The following FAM177A1 variants were observed in gnomAD, a reference collection of about 807,000 sequenced individuals.
The protein encoded by FAM177A1 is protein FAM177A1.
A neutral mutation model predicts 26.1 loss-of-function variants in FAM177A1; 22 were observed. The ratio of observed to expected loss-of-function variants is 0.84; its 90% confidence interval spans 0.60 to 1.20. The LOEUF is 1.20. Ranked by LOEUF, FAM177A1 falls within the 50% of genes most tolerant of loss-of-function variation. FAM177A1 has a pLI of 0.00. For missense variants in FAM177A1, 296 were observed against 291.1 expected, an observed-to-expected ratio of 1.02 and a Z score of -0.12; for synonymous variants, 95 against 99.3, an observed-to-expected ratio of 0.96 and a Z score of 0.26.
chr14:35,071,971 G>A (rs1368290613), intron 2 of FAM177A1, among the ~76,000 whole-genome samples: 1 of 152,088 alleles, frequency 6.6e-6, no homozygotes, highest in Non-Finnish European at 1.5e-5. Context: ...TTACAATAAA[G>A]TAAGCTATAG....
At chr14:35,048,165 T>A (rs1428826081) in intron 1 of FAM177A1, among the ~76,000 whole-genome samples, 1 of 152,244 alleles carries the variant, frequency 6.6e-6, no homozygotes, top group Non-Finnish European at 1.5e-5. Context: ...TTGAGACCTA[T>A]TGTTGGCAAG....
intron 2 of FAM177A1, among the ~76,000 whole-genome samples, chr14:35,075,946 G>T (rs981012538): frequency 1.3e-5 from 2 of 152,170 alleles, no homozygotes; most frequent in Non-Finnish European, 2.9e-5. Context: ...GAAACAACAG[G>T]TGCTGGACAG....
At chr14:35,077,089 T>G (rs2045407346) in intron 2 of FAM177A1, 61 bp from the exon 3 acceptor site, 3 of 1,343,302 alleles carry the variant, frequency 2.2e-6, no homozygotes, top group Non-Finnish European at 3.2e-6. Flanking sequence ...TACTTCATTC[T>G]GGCCTAAATA....
chr14:35,075,080 G>A (rs2045374916), intron 2 of FAM177A1, among the ~76,000 whole-genome samples: 2 of 152,064 alleles, frequency 1.3e-5, no homozygotes, highest in Non-Finnish European at 2.9e-5. Context: ...TTGATTCCTT[G>A]AAGGCTTTAT....
upstream of FAM177A1, chr14:35,045,876 G>C (rs1194533584): frequency 6.6e-6 from 1 of 152,216 alleles, no homozygotes; most frequent in Admixed American, 6.5e-5. Context: ...TTTCAGACAA[G>C]AGTAAGCAAA....
intron 1 of FAM177A1, chr14:35,047,069 A>G: frequency 1.1e-6 from 1 of 950,142 alleles, no homozygotes; most frequent in Non-Finnish European, 1.3e-6. Flanking sequence ...CTGGATCCTT[A>G]CAGTAACCGC....
upstream of FAM177A1, among the ~76,000 whole-genome samples, chr14:35,045,447 G>A (rs1016367590): frequency 2.6e-5 from 4 of 152,288 alleles, no homozygotes; most frequent in Admixed American, 1.3e-4. Context: ...GCCTGCTGTT[G>A]CTATGATGAA....
chr14:35,047,095 G>A, intron 1 of FAM177A1: 7 of 844,160 alleles, frequency 8.3e-6, no homozygotes, highest in African/African-American at 1.8e-5. Context: ...GTGGGTGTTA[G>A]CCCCATTTCA....
intron 2 of FAM177A1, among the ~76,000 whole-genome samples, chr14:35,074,754 A>T (rs1055405059): frequency 1.3e-5 from 2 of 151,742 alleles, no homozygotes. Flanking sequence ...TATTAAAACA[A>T]TTATTTCCCA....
intron 2 of FAM177A1, among the ~76,000 whole-genome samples, chr14:35,056,715 G>T (rs1205357772): frequency 6.6e-6 from 1 of 152,072 alleles, no homozygotes; most frequent in Non-Finnish European, 1.5e-5. Flanking sequence ...GCTTTTCTTT[G>T]TGGGTAGTTT....
In FAM177A1 at chr14:35,077,568, C is replaced by T. The variant is rs557299498; in HGVS notation, c.406+352C>T. Among the ~76,000 whole-genome samples, 12 of 149,784 alleles carry T rather than the reference C, an allele frequency of 8.0e-5. No individual in the cohort carries two copies. In the South Asian group the frequency reaches 1.9e-3, roughly 24 times the overall value. ...CACAATCTTGGCTCACTGCAAGCTC[C>T]GCTTCCCGGGTTCACGCCATTCGCC... On this transcript the variant is annotated intron_variant, in intron 3 of 4. Coordinates refer to ENST00000280987, the MANE Select transcript of FAM177A1 (RefSeq NM_173607.5).
intron 2 of FAM177A1, among the ~76,000 whole-genome samples, chr14:35,061,067 T>C (rs570751800): frequency 2.9e-5 from 4 of 136,206 alleles, no homozygotes; most frequent in Admixed American, 2.2e-4. Context: ...ATCATAGGCA[T>C]GTGTATATAG....
rs566154599 is a variant in FAM177A1 at position 35,046,325 on chromosome 14, G to A, written c.-139G>A. On this transcript the variant is annotated 5_prime_UTR_variant, in exon 1 of 5. Transcript: ENST00000280987. ...CGGAGCCCGGCGGGCTAGGCGAGGC[G>A]CGGGCTGGCCCCGCCCCTCAGGCCG... 694 of 1,062,360 alleles carry A rather than the reference G, an allele frequency of 6.5e-4. 2 individuals are homozygous for A. In the African/African-American group the frequency reaches 0.011, roughly 16 times the overall value. The allele number at this position is 1,062,360 out of a possible 1,614,324, so 65.8% of individuals were successfully genotyped here.
At chr14:35,077,907 C>T (rs2045422992) in intron 3 of FAM177A1, among the ~76,000 whole-genome samples, 1 of 152,146 alleles carries the variant, frequency 6.6e-6, no homozygotes, top group Admixed American at 6.6e-5. Context: ...ATTTATATTT[C>T]TATTTCATTA....
chr14:35,062,087 G>GT (rs1482824108), intron 2 of FAM177A1, among the ~76,000 whole-genome samples: 1 of 152,220 alleles, frequency 6.6e-6, no homozygotes, highest in Non-Finnish European at 1.5e-5. Context: ...CTGAAGTGCA[G>GT]TTTCTGCCTT....
intron 1 of FAM177A1, chr14:35,047,062 G>A: frequency 1.0e-6 from 1 of 972,332 alleles, no homozygotes; most frequent in Non-Finnish European, 1.2e-6. Flanking sequence ...TAATTCACTG[G>A]ATCCTTACAG....
intron 1 of FAM177A1, among the ~76,000 whole-genome samples, chr14:35,047,867 A>G (rs1466350478): frequency 2.0e-5 from 3 of 152,140 alleles, no homozygotes; most frequent in Non-Finnish European, 4.4e-5. Flanking sequence ...TTCATTTTTG[A>G]GACTAAGTAC....
In FAM177A1 at chr14:35,077,156, C is replaced by T. The variant is rs751431165; in HGVS notation, c.346C>T (p.Leu116Phe). The part of the protein sequence containing the change: ...DVLPTVDPTK[L>F]TWGPYLWFYM... ...ACATGATTTCTTGTTGCAGACAAAACTTACCTGGGGTCCCTACTTATGGTT... is the reference window on the plus strand; with the variant it reads ...ACATGATTTCTTGTTGCAGACAAAATTTACCTGGGGTCCCTACTTATGGTT... The change falls in exon 3 of 5, where the codon CTT (leucine) becomes TTT (phenylalanine). Residue 116 changes from leucine (L) to phenylalanine (F), a missense_variant. Leu to Phe is a conservative substitution (Grantham distance 22). Coordinates refer to ENST00000280987, the MANE Select transcript of FAM177A1 (RefSeq NM_173607.5). 1.9e-6 allele frequency: 3 copies of T among 1,613,730 alleles called. No individual in the cohort carries two copies. The highest frequency in any genetic ancestry group is 2.5e-6 in the Non-Finnish European group (3 of 1,179,726).
In FAM177A1 at chr14:35,083,114, T is replaced by C. The variant is rs374832252; in HGVS notation, c.*1886T>C. 6 of 152,740 alleles carry C rather than the reference T, an allele frequency of 3.9e-5. No individual in the cohort carries two copies. The highest frequency in any genetic ancestry group is 1.2e-4 in the African/African-American group (5 of 41,586). 9.5% of individuals were successfully genotyped at this position (152,740 alleles called of 1,614,324 possible). On this transcript the variant is annotated 3_prime_UTR_variant, in exon 5 of 5. Coordinates refer to ENST00000280987, the MANE Select transcript of FAM177A1 (RefSeq NM_173607.5). Reference sequence around the variant, plus strand: ...AGATAGTACCTCTCACTCACAGATATTTATTTGGTTATCAAGTGAAGATAG... The same window carrying C: ...AGATAGTACCTCTCACTCACAGATACTTATTTGGTTATCAAGTGAAGATAG...
Sources: gnomAD v4.1 joint callset for allele counts (sites outside exome capture counted in the v4.1 genomes callset) on GRCh38, gnomAD v4.1.1 for gene constraint, MANE v1.5 for transcripts, NCBI Gene and HGNC (gene_info 2026-07-23, HGNC 2026-07-21) for gene names.